SLC13A1: variants seen among roughly 807,000 people sequenced by gnomAD.
SLC13A1 encodes Na(+)/sulfate cotransporter.
Under a neutral mutation model 70.0 loss-of-function variants are expected in SLC13A1, and 65 were observed. That is an observed-to-expected ratio of 0.93 (90% CI 0.76 to 1.14). SLC13A1 has a LOEUF of 1.14. Ranked by LOEUF, SLC13A1 falls within the 50% of genes most tolerant of loss-of-function variation. SLC13A1 has a pLI of 0.00. For missense variants in SLC13A1, 726 were observed against 717.8 expected, an observed-to-expected ratio of 1.01 and a Z score of -0.13; for synonymous variants, 275 against 250.5, an observed-to-expected ratio of 1.10 and a Z score of -0.92.
In SLC13A1 at chr7:123,115,474, G is replaced by T. The variant is rs1205097143; in HGVS notation, c.*44C>A. On this transcript the variant is annotated 3_prime_UTR_variant, in exon 15 of 15. Coordinates refer to ENST00000194130, the MANE Select transcript of SLC13A1 (RefSeq NM_022444.4). ...CCACATTTTACAGTCAATCATTAAT[G>T]TCTTCCAGAAATTACCGCAAGATAG... 1.9e-6 allele frequency: 3 copies of T among 1,582,110 alleles called. No homozygotes were observed. The South Asian group carries it at 3.4e-5, about 18-fold the overall frequency.
At chr7:123,188,976 G>A (rs1462769019) in intron 1 of SLC13A1, among the ~76,000 whole-genome samples, 3 of 150,474 alleles carry the variant, frequency 2.0e-5, no homozygotes, top group Non-Finnish European at 4.5e-5. Flanking sequence ...TTAGCCGGGT[G>A]TAGTGGCGGG....
At chr7:123,161,240 TAAATA>T (rs1794884720) in intron 6 of SLC13A1, among the ~76,000 whole-genome samples, 1 of 150,598 alleles carries the variant, frequency 6.6e-6, no homozygotes, top group African/African-American at 2.4e-5. Context: ...AAAAAAGACT[TAAATA>T]AAATATTTTA....
chr7:123,173,776 TAG>T (rs1795351644), intron 2 of SLC13A1, among the ~76,000 whole-genome samples: 1 of 150,094 alleles, frequency 6.7e-6, no homozygotes. Flanking sequence ...TGGTACACAG[TAG>T]AGAGCTTGGT....
At chr7:123,148,902 T>A (rs1794457332) in intron 6 of SLC13A1, among the ~76,000 whole-genome samples, 1 of 152,124 alleles carries the variant, frequency 6.6e-6, no homozygotes, top group African/African-American at 2.4e-5. Flanking sequence ...AGAGGAGTGG[T>A]AAGGATTAGG....
intron 2 of SLC13A1, among the ~76,000 whole-genome samples, chr7:123,175,621 T>A (rs1020456261): frequency 1.2e-4 from 18 of 152,126 alleles, no homozygotes; most frequent in African/African-American, 4.3e-4. Flanking sequence ...AGCAAGCCCT[T>A]ACCATACACT....
intron 1 of SLC13A1, among the ~76,000 whole-genome samples, chr7:123,187,559 A>T (rs1795847465): frequency 6.6e-6 from 1 of 152,090 alleles, no homozygotes; most frequent in African/African-American, 2.4e-5. Context: ...CCCAAAGTTA[A>T]CTACTGTCTA....
At chr7:123,141,644 CT>C (rs1336972505) in intron 7 of SLC13A1, among the ~76,000 whole-genome samples, 2 of 152,002 alleles carry the variant, frequency 1.3e-5, no homozygotes, top group Non-Finnish European at 2.9e-5. Flanking sequence ...CTGTTATATC[CT>C]CTTGCTGGAT....
chr7:123,153,017 A>C (rs1794604093), intron 6 of SLC13A1, among the ~76,000 whole-genome samples: 1 of 152,112 alleles, frequency 6.6e-6, no homozygotes, highest in South Asian at 2.1e-4. Flanking sequence ...GAAACTTAAA[A>C]TATGCAATGT....
At chr7:123,171,336 T>C (rs984200129) in intron 3 of SLC13A1, among the ~76,000 whole-genome samples, 1 of 152,254 alleles carries the variant, frequency 6.6e-6, no homozygotes, top group African/African-American at 2.4e-5. Context: ...ATTTGTATTT[T>C]GTCAGTAATG....
chr7:123,151,701 GC>G (rs1207843352), intron 6 of SLC13A1, among the ~76,000 whole-genome samples: 1 of 152,094 alleles, frequency 6.6e-6, no homozygotes, highest in Non-Finnish European at 1.5e-5. Context: ...AGGTCCCAGA[GC>G]CTGAAAATGA....
At chr7:123,122,706 C>T (rs1793424712) in intron 12 of SLC13A1, among the ~76,000 whole-genome samples, 1 of 151,538 alleles carries the variant, frequency 6.6e-6, no homozygotes, top group African/African-American at 2.4e-5. Context: ...TTTTTTAAAT[C>T]AGCAATAGCA....
chr7:123,159,311 T>C (rs1794810092), intron 6 of SLC13A1, among the ~76,000 whole-genome samples: 2 of 152,142 alleles, frequency 1.3e-5, no homozygotes, highest in Admixed American at 6.6e-5. Context: ...CAGAGGTAAT[T>C]AAGTTTAAAC....
intron 1 of SLC13A1, among the ~76,000 whole-genome samples, chr7:123,193,010 C>T (rs1011002631): frequency 6.6e-6 from 1 of 152,014 alleles, no homozygotes; most frequent in Non-Finnish European, 1.5e-5. Context: ...CTCCTTTTCA[C>T]TCAACCTCCA....
chr7:123,122,113 T>C (rs1006413106), intron 12 of SLC13A1, among the ~76,000 whole-genome samples: 2 of 152,134 alleles, frequency 1.3e-5, no homozygotes, highest in Non-Finnish European at 2.9e-5. Flanking sequence ...GGCTGATGCT[T>C]TCAAAATCAC....
chr7:123,198,477 C>T (rs973205627), intron 1 of SLC13A1, among the ~76,000 whole-genome samples: 5 of 151,982 alleles, frequency 3.3e-5, no homozygotes, highest in South Asian at 2.1e-4. Context: ...CCCTTCCCTC[C>T]ATGTAGCTCT....
At chr7:123,138,375 A>G (rs1794020645) in intron 7 of SLC13A1, among the ~76,000 whole-genome samples, 1 of 152,228 alleles carries the variant, frequency 6.6e-6, no homozygotes, top group African/African-American at 2.4e-5. Context: ...ATTGCAACAA[A>G]CATGGGAGTG....
At chr7:123,157,747 A>G (rs202144527) in intron 6 of SLC13A1, among the ~76,000 whole-genome samples, 2 of 152,166 alleles carry the variant, frequency 1.3e-5, no homozygotes, top group Non-Finnish European at 2.9e-5. Context: ...AATCTTTTAA[A>G]GTGCAACAAT....
At position 123,128,835 on chromosome 7, in the gene SLC13A1, C is replaced by G; in HGVS notation, c.1133+10G>C. On this transcript the variant is annotated intron_variant, in intron 10 of 14. Transcript: ENST00000194130. ...AGGAAGGGCTGACAAACATAACGTGCAAAGCTTACTCTGAAAAAAGTGCAG... is the reference window on the plus strand; with the variant it reads ...AGGAAGGGCTGACAAACATAACGTGGAAAGCTTACTCTGAAAAAAGTGCAG... 6.3e-7 allele frequency: 1 copy of G among 1,590,932 alleles called. No homozygotes were observed. Among genetic ancestry groups the G allele is most frequent in the Non-Finnish European group, 8.6e-7 (1 of 1,159,864 alleles).
intron 8 of SLC13A1, among the ~76,000 whole-genome samples, chr7:123,131,522 A>C (rs1793758930): frequency 6.6e-6 from 1 of 152,202 alleles, no homozygotes; most frequent in African/African-American, 2.4e-5. Flanking sequence ...CAAACTCTCC[A>C]TTTAAATAAT....
Sources: allele counts gnomAD v4.1 joint callset (sites outside exome capture counted in the v4.1 genomes callset), GRCh38; gene constraint gnomAD v4.1.1; transcripts MANE v1.5; gene names NCBI Gene and HGNC (gene_info 2026-07-23, HGNC 2026-07-21).